LEMD1: variants seen among roughly 807,000 people sequenced by gnomAD.
LEMD1 encodes LEM domain containing 1, also known as LEM domain-containing protein 1.
A neutral mutation model predicts 17.4 loss-of-function variants in LEMD1; 18 were observed. The ratio of observed to expected loss-of-function variants is 1.04; its 90% CI spans 0.72 to 1.54. The LOEUF (loss-of-function observed/expected upper bound fraction) is 1.54, where lower values mean the gene tolerates loss of function less well. Ranked by LOEUF, LEMD1 falls within the 40% of genes most tolerant of loss-of-function variation. The probability of loss-of-function intolerance (pLI) is 0.00; values close to 1 mark genes in which losing one functional copy is unlikely to be tolerated. For missense variants in LEMD1, 195 were observed against 210.4 expected, an observed-to-expected ratio of 0.93 and a Z score of 0.45; for synonymous variants, 88 against 77.8, an observed-to-expected ratio of 1.13 and a Z score of -0.69.
At chr1:205,426,487 T>TG (rs1391673584), upstream of LEMD1, among the ~76,000 whole-genome samples, 1 of 152,034 alleles carries the variant, frequency 6.6e-6, no homozygotes, top group Non-Finnish European at 1.5e-5. Flanking sequence ...CTCCCCTGGT[T>TG]GGGGGTGGTG....
intron 1 of LEMD1, among the ~76,000 whole-genome samples, chr1:205,440,328 C>T (rs1310972313): frequency 6.6e-6 from 1 of 152,240 alleles, no homozygotes; most frequent in East Asian, 1.9e-4. Flanking sequence ...CCACTGGCCA[C>T]CTCTGCCTTC....
At chr1:205,421,574 T>A (rs1574999022) in intron 1 of LEMD1, among the ~76,000 whole-genome samples, 2 of 152,332 alleles carry the variant, frequency 1.3e-5, no homozygotes, top group South Asian at 4.1e-4. Flanking sequence ...ATAGGGTTGT[T>A]CTGGAATACC....
chr1:205,408,365 A>G (rs1665222802), intron 4 of LEMD1, among the ~76,000 whole-genome samples: 1 of 152,056 alleles, frequency 6.6e-6, no homozygotes, highest in African/African-American at 2.4e-5. Context: ...CAAATGTGGT[A>G]CCAGGTACCA....
At position 205,448,596 on chromosome 1, in the gene LEMD1, T is replaced by A. The variant is rs1191308643; in HGVS notation, c.-39+1272A>T. On this transcript the variant is annotated intron_variant, in intron 1 of 3. Transcript: ENST00000367154. This position sits in a 1 kb window ranked among gnomAD's most constrained non-coding sequence, Gnocchi z 4.7. ...ATCCCAGTAATGAGTTTCCAGTTCTTGCCCTACAAAGGCCTCACACAATGG... is the reference window on the plus strand; with the variant it reads ...ATCCCAGTAATGAGTTTCCAGTTCTAGCCCTACAAAGGCCTCACACAATGG... Among the ~76,000 whole-genome samples the A allele has an allele frequency of 6.6e-6, 1 of 152,166 alleles. No individual in the cohort carries two copies. Among genetic ancestry groups the A allele is most frequent in the Non-Finnish European group, 1.5e-5 (1 of 68,024 alleles).
At chr1:205,426,431 G>A (rs1666055919), upstream of LEMD1, among the ~76,000 whole-genome samples, 1 of 152,214 alleles carries the variant, frequency 6.6e-6, no homozygotes, top group Admixed American at 6.5e-5. Flanking sequence ...AATACCAATA[G>A]AGTGGTAGCC....
At chr1:205,382,225 C>T (rs1663742815) in intron 5 of LEMD1, 1 of 193,108 alleles carries the variant, frequency 5.2e-6, no homozygotes, top group Non-Finnish European at 1.1e-5. Flanking sequence ...AATTCCAGCA[C>T]TTTGGGAGGC....
At chr1:205,408,569 C>T (rs964151640) in intron 4 of LEMD1, among the ~76,000 whole-genome samples, 7 of 149,850 alleles carry the variant, frequency 4.7e-5, no homozygotes, top group African/African-American at 1.2e-4. Flanking sequence ...GGTGCCATCA[C>T]GGCTCACTGC....
At position 205,414,817 on chromosome 1, in the gene LEMD1, G is replaced by A. The variant is rs570707667; in HGVS notation, c.270+1415C>T. 1.6e-4 allele frequency among the ~76,000 whole-genome samples: 24 copies of A among 152,266 alleles called. 1 individual carries two copies. The South Asian group carries it at 4.8e-3, about 30-fold the overall frequency. On this transcript the variant is annotated intron_variant, in intron 4 of 5. Transcript: ENST00000367153. ...GGAGGAGTATTGCTTGAGCCCAGGA[G>A]TTCGAGATTACAGTGAGATATCATG... is the stretch of plus-strand genomic sequence containing the variant.
At chr1:205,416,444 G>A in intron 3 of LEMD1, 148 bp from the exon 4 acceptor site, 1 of 625,662 alleles carries the variant, frequency 1.6e-6, no homozygotes, top group Non-Finnish European at 2.8e-6. Context: ...TGACGGAAGA[G>A]AACATTTCTC....
At chr1:205,414,941 G>C (rs1387270947) in intron 4 of LEMD1, among the ~76,000 whole-genome samples, 2 of 152,186 alleles carry the variant, frequency 1.3e-5, no homozygotes, top group Non-Finnish European at 2.9e-5. Flanking sequence ...GCAGGGGGAA[G>C]AGACAGAAGG....
chr1:205,419,463 G>A lies in LEMD1; in HGVS notation c.83-111C>T, dbSNP rs770458151. On this transcript the variant is annotated intron_variant, in intron 2 of 5. Coordinates refer to ENST00000367153, the MANE Select transcript of LEMD1 (RefSeq NM_001199050.2). ...TTTTATTCTTAACCCTTACATTATT[G>A]GTTAATTATGGCTTTTATTTGAGAC... 4 of 1,217,956 alleles carry A rather than the reference G, an allele frequency of 3.3e-6. 1 individual carries two copies. Among genetic ancestry groups the A allele is most frequent in the Admixed American group, 3.9e-5 (2 of 51,186 alleles). The allele number at this position is 1,217,956 out of a possible 1,614,324, so 75.4% of individuals were successfully genotyped here.
intron 1 of LEMD1, among the ~76,000 whole-genome samples, chr1:205,438,443 G>A (rs1202495567): frequency 6.6e-6 from 1 of 152,248 alleles, no homozygotes; most frequent in Non-Finnish European, 1.5e-5. Flanking sequence ...CCAGGGCGCA[G>A]GGTCTGCGAA....
chr1:205,443,609 A>G (rs1014389604), intron 1 of LEMD1, among the ~76,000 whole-genome samples: 4 of 152,120 alleles, frequency 2.6e-5, no homozygotes, highest in African/African-American at 9.7e-5. Flanking sequence ...TGTATCTAAG[A>G]GTAGAAAGTA....
chr1:205,407,846 T>C (rs1665192481), intron 4 of LEMD1, among the ~76,000 whole-genome samples: 1 of 152,176 alleles, frequency 6.6e-6, no homozygotes, highest in African/African-American at 2.4e-5. Context: ...GTCAGAATTC[T>C]ACTGAATTGT....
chr1:205,449,696 G>A (rs1279477314), intron 1 of LEMD1, among the ~76,000 whole-genome samples: 1 of 152,162 alleles, frequency 6.6e-6, no homozygotes, highest in East Asian at 1.9e-4. Flanking sequence ...CTGAACTTTG[G>A]GCCATCTGCC....
At chr1:205,418,821 T>A (rs756977867) in intron 3 of LEMD1, among the ~76,000 whole-genome samples, 2 of 152,194 alleles carry the variant, frequency 1.3e-5, no homozygotes, top group Non-Finnish European at 2.9e-5. Context: ...GTGTGGCTCA[T>A]CTTTCTTAAT....
chr1:205,433,151 C>G (rs1666151053), intron 1 of LEMD1, among the ~76,000 whole-genome samples: 1 of 152,150 alleles, frequency 6.6e-6, no homozygotes, highest in Non-Finnish European at 1.5e-5. Flanking sequence ...TTGAGCCTTG[C>G]CACATTGTTT....
chr1:205,382,444 G>C (rs759920700), intron 5 of LEMD1, among the ~76,000 whole-genome samples: 10 of 151,894 alleles, frequency 6.6e-5, no homozygotes, highest in Non-Finnish European at 1.3e-4. Context: ...AAATTTTTTT[G>C]TAGAGACGAG....
chr1:205,448,939 C>T lies in LEMD1; in HGVS notation c.-39+929G>A, dbSNP rs967030890. Among the ~76,000 whole-genome samples the T allele has an allele frequency of 6.6e-6, 1 of 152,110 alleles. No individual in the cohort carries two copies. The highest frequency in any genetic ancestry group is 2.4e-5 in the African/African-American group (1 of 41,426). On this transcript the variant is annotated intron_variant, in intron 1 of 3. Transcript: ENST00000367154. The surrounding 1 kb of genome is among the most constrained non-coding windows in gnomAD (Gnocchi z 4.7). ...GTTAAATAGGTTTCTTGAGTGCCCCCAGGGGTGGGGGCTGGGCCAACCTAC... is the reference window on the plus strand; with the variant it reads ...GTTAAATAGGTTTCTTGAGTGCCCCTAGGGGTGGGGGCTGGGCCAACCTAC...
Sources: gnomAD v4.1 joint callset for allele counts (sites outside exome capture counted in the v4.1 genomes callset) on GRCh38, gnomAD v4.1.1 for gene constraint, Gnocchi (gnomAD v3.1) non-coding constraint, MANE v1.5 for transcripts, NCBI Gene and HGNC (gene_info 2026-07-23, HGNC 2026-07-21) for gene names.